The following FBXL18 variants were observed in gnomAD, a reference collection of about 807,000 sequenced individuals.
The protein encoded by FBXL18 is F-box and leucine rich repeat protein 18.
A neutral mutation model predicts 46.0 loss-of-function variants in FBXL18; 36 were observed. The observed-to-expected ratio is 0.78, with a 90% CI of 0.60 to 1.03. The LOEUF (loss-of-function observed/expected upper bound fraction) is 1.03. FBXL18 is among the 50% of genes least tolerant of loss of function. The pLI is 0.00. For missense variants in FBXL18, 977 were observed against 1,004.1 expected (o/e 0.97, Z 0.36); for synonymous variants, 557 against 465.3 (o/e 1.20, Z -2.54).
intron 3 of FBXL18, among the ~76,000 whole-genome samples, chr7:5,494,213 G>A (rs1022634794): frequency 1.3e-4 from 19 of 151,918 alleles, no homozygotes; most frequent in Non-Finnish European, 2.4e-4. Context: ...CAGAGGTTGC[G>A]GTGAGCCAAG....
At chr7:5,463,724 ATTTATTTTTTTTTTTTTTTT>A (rs1783294805) in intron 4 of FBXL18, among the ~76,000 whole-genome samples, 2 of 59,672 alleles carry the variant, frequency 3.4e-5, no homozygotes, top group African/African-American at 1.5e-4. Context: ...TTATTTATTT[ATTTATTTTTTTTTTTTTTTT>A]TTTTTTTTTT....
intron 4 of FBXL18, among the ~76,000 whole-genome samples, chr7:5,459,565 C>T (rs1256013205): frequency 6.6e-6 from 1 of 151,814 alleles, no homozygotes; most frequent in Non-Finnish European, 1.5e-5. Context: ...ATGGTGAAAC[C>T]CCGTCTCTAC....
In FBXL18 at chr7:5,477,901, C is replaced by G. The variant is rs1584196058; in HGVS notation, c.*3874G>C. 6.6e-6 allele frequency: 1 copy of G among 152,460 alleles called. No individual in the cohort carries two copies. The highest frequency in any genetic ancestry group is 2.4e-5 in the African/African-American group (1 of 41,472). The allele number at this position is 152,460 out of a possible 1,614,324, so 9.4% of individuals were successfully genotyped here. ...GAGCACTGGTCTGGAGCTTCATTGGCCGGCAGGGGCCCAGCCCTCAGCTGT... is the reference window on the plus strand; with the variant it reads ...GAGCACTGGTCTGGAGCTTCATTGGGCGGCAGGGGCCCAGCCCTCAGCTGT... On this transcript the variant is annotated 3_prime_UTR_variant, in exon 5 of 5. Coordinates refer to ENST00000382368, the MANE Select transcript of FBXL18 (RefSeq NM_024963.6). The surrounding 1 kb of genome is among the most constrained non-coding windows in gnomAD (Gnocchi z 4.4).
intron 1 of FBXL18, among the ~76,000 whole-genome samples, chr7:5,508,724 G>C (rs1326907111): frequency 1.3e-5 from 2 of 152,084 alleles, no homozygotes; most frequent in Non-Finnish European, 2.9e-5. Flanking sequence ...ATCAGAACCA[G>C]AGACAAACTT....
chr7:5,511,656 T>C (rs1457770732), intron 1 of FBXL18, among the ~76,000 whole-genome samples: 6 of 148,686 alleles, frequency 4.0e-5, no homozygotes, highest in African/African-American at 1.5e-4. Context: ...TAGTCCCAGC[T>C]ACTTGAGAGG....
rs944238305 is a variant in FBXL18, at chr7:5,496,356, G to A, written c.1781+4132C>T. On this transcript the variant is annotated intron_variant, in intron 3 of 4. Coordinates refer to ENST00000382368, the MANE Select transcript of FBXL18 (RefSeq NM_024963.6). The surrounding 1 kb of genome is among the most constrained non-coding windows in gnomAD (Gnocchi z 4.8). ...TGCTTCCGGAACACCCCCTCCCTCC[G>A]GCCAGTGCCTCCCTTGCTGACAGCC... Among the ~76,000 whole-genome samples, 17 of 152,118 alleles carry A rather than the reference G, an allele frequency of 1.1e-4. No homozygotes were observed. The highest frequency in any genetic ancestry group is 2.2e-4 in the Non-Finnish European group (15 of 68,018).
chr7:5,497,642 C>T (rs1470395799), intron 3 of FBXL18, among the ~76,000 whole-genome samples: 1 of 152,232 alleles, frequency 6.6e-6, no homozygotes, highest in Non-Finnish European at 1.5e-5. Flanking sequence ...CCTGCCATGC[C>T]TTCTGCGGGA....
At chr7:5,505,078 T>C (rs1210302123) in intron 2 of FBXL18, among the ~76,000 whole-genome samples, 2 of 151,656 alleles carry the variant, frequency 1.3e-5, no homozygotes, top group African/African-American at 4.8e-5. Context: ...GAGCCACATA[T>C]TTAACTTTAC....
intron 4 of FBXL18, among the ~76,000 whole-genome samples, chr7:5,466,016 C>T (rs1205523180): frequency 1.3e-5 from 2 of 151,936 alleles, no homozygotes; most frequent in East Asian, 3.9e-4. Context: ...CAAGGTTTCA[C>T]CATGTTGGGC....
Position 5,455,880 on chromosome 7 carries a change from A to G in FBXL18, c.2001-8037T>C, listed in dbSNP as rs950297023. Among the ~76,000 whole-genome samples, 5 of 151,920 alleles carry G rather than the reference A, an allele frequency of 3.3e-5. No homozygotes were observed. The highest frequency in any genetic ancestry group is 9.7e-5 in the African/African-American group (4 of 41,324). On this transcript the variant is annotated intron_variant and NMD_transcript_variant, in intron 4 of 6. Transcript: ENST00000415009. The surrounding 1 kb of genome is among the most constrained non-coding windows in gnomAD (Gnocchi z 4.6). ...GCCAATGAGCGGGCGAGACCTGGCC[A>G]TCTCTGCCCCATGCGGGACTCTCTC... is the stretch of plus-strand genomic sequence containing the variant.
At position 5,481,574 on chromosome 7, in the gene FBXL18, G is replaced by A. The variant is rs1033178717; in HGVS notation, c.*201C>T. 5.7e-5 allele frequency: 32 copies of A among 557,360 alleles called. No homozygotes were observed. Among genetic ancestry groups the A allele is most frequent in the African/African-American group, 3.3e-4 (17 of 51,550 alleles). The allele number at this position is 557,360 out of a possible 1,614,324, so 34.5% of individuals were successfully genotyped here. A position where few individuals can be genotyped will look rare whatever the true frequency, so the allele number is the denominator to read the frequency against. On this transcript the variant is annotated 3_prime_UTR_variant, in exon 5 of 5. Coordinates refer to ENST00000382368, the MANE Select transcript of FBXL18 (RefSeq NM_024963.6). ...CGAGCCCCCTCATGTCACCCAGAAC[G>A]CATCCCCTCGACCTAAACTTCACAG...
chr7:5,490,547 G>A (rs1783895173), intron 4 of FBXL18, among the ~76,000 whole-genome samples: 1 of 152,210 alleles, frequency 6.6e-6, no homozygotes, highest in Non-Finnish European at 1.5e-5. Flanking sequence ...CCTGACAGCA[G>A]GTGGCGAGGG....
downstream of FBXL18, among the ~76,000 whole-genome samples, chr7:5,475,136 T>C (rs959085115): frequency 2.0e-5 from 3 of 151,040 alleles, no homozygotes; most frequent in Admixed American, 1.3e-4. This position sits in a 1 kb window ranked among gnomAD's most constrained non-coding sequence, Gnocchi z 4.2. Flanking sequence ...CTGGTCAACA[T>C]GGCGAAACCC....
In FBXL18 at chr7:5,505,520, G is replaced by A; in HGVS notation, c.129C>T (p.Val43=). The change falls in exon 2 of 5, where the codon GTC becomes GTT. Residue 43 remains valine (V), a synonymous_variant. Transcript: ENST00000382368. The part of the protein sequence containing the change: ...DEILLHILSH[V]PSTDLILNVR... Reference sequence around the variant, plus strand: ...CGTTCAGAATCAGATCTGTGCTGGGGACGTGACTCAGGATGTGAAGGAGGA... The same window carrying A: ...CGTTCAGAATCAGATCTGTGCTGGGAACGTGACTCAGGATGTGAAGGAGGA... 6.2e-7 allele frequency: 1 copy of A among 1,614,178 alleles called. No individual in the cohort carries two copies. Among genetic ancestry groups the A allele is most frequent in the Non-Finnish European group, 8.5e-7 (1 of 1,180,032 alleles).
At chr7:5,483,551 C>T (rs912262312) in intron 4 of FBXL18, among the ~76,000 whole-genome samples, 7 of 152,030 alleles carry the variant, frequency 4.6e-5, no homozygotes, top group African/African-American at 1.7e-4. Flanking sequence ...TCGAGACCAG[C>T]CTGACCAACA....
intron 4 of FBXL18, among the ~76,000 whole-genome samples, chr7:5,464,576 T>C (rs1017612166): frequency 2.9e-4 from 44 of 149,442 alleles, no homozygotes; most frequent in African/African-American, 1.0e-3. Context: ...GGCAGAAGAA[T>C]TGCTTCAACC....
chr7:5,465,615 C>T (rs546044560), intron 4 of FBXL18, among the ~76,000 whole-genome samples: 10 of 151,504 alleles, frequency 6.6e-5, no homozygotes, highest in Non-Finnish European at 1.5e-4. Context: ...CCAGCTCGGG[C>T]AACAGAGCAA....
rs373695699 is a variant in FBXL18, at chr7:5,481,738, C to A, written c.*37G>T. ...GGCGTCCCAGGCTCCTGCAGCTTCT[C>A]GAGGTGACTGAGACCGATGGGCGGC... On this transcript the variant is annotated 3_prime_UTR_variant, in exon 5 of 5. Transcript: ENST00000382368. The A allele has an allele frequency of 1.9e-6, 3 of 1,608,942 alleles. No individual in the cohort carries two copies. Among genetic ancestry groups the A allele is most frequent in the South Asian group, 2.2e-5 (2 of 90,846 alleles).
intron 4 of FBXL18, among the ~76,000 whole-genome samples, chr7:5,486,089 AT>A (rs1783768269): frequency 2.7e-5 from 4 of 148,392 alleles, no homozygotes; most frequent in Admixed American, 2.0e-4. Context: ...AAATAAATAA[AT>A]AAATAAATAA....
Sources: gnomAD v4.1 joint callset for allele counts (sites outside exome capture counted in the v4.1 genomes callset) on GRCh38, gnomAD v4.1.1 for gene constraint, Gnocchi (gnomAD v3.1) non-coding constraint, MANE v1.5 for transcripts, NCBI Gene and HGNC (gene_info 2026-07-23, HGNC 2026-07-21) for gene names.